The following GPR107 variants were observed in gnomAD, a reference collection of about 807,000 sequenced individuals.
GPR107 encodes the protein G protein-coupled receptor 107.
GPR107 carries 31 observed loss-of-function variants against 75.5 expected under a neutral mutation model. The ratio of observed to expected loss-of-function variants is 0.41; its 90% CI spans 0.31 to 0.55. GPR107 has a LOEUF of 0.55. GPR107 is among the 20% of genes least tolerant of loss of function. GPR107 has a pLI of 0.26. For synonymous variants in GPR107, 267 were observed against 251.3 expected (o/e 1.06, Z -0.59); for missense variants, 572 against 665.7 (o/e 0.86, Z 1.55).
chr9:130,139,083 C>G lies in GPR107; in HGVS notation c.*3962C>G, dbSNP rs1292628012. On this transcript the variant is annotated 3_prime_UTR_variant, in exon 18 of 18. Coordinates refer to ENST00000347136, the MANE Select transcript of GPR107 (RefSeq NM_020960.5). ...TGCTTCCACACTCCACACTTCACCC[C>G]GCTGCTTTTCTCTGACCCGCCCCTG... The G allele has an allele frequency of 2.6e-5, 4 of 152,270 alleles. No homozygotes were observed. Among genetic ancestry groups the G allele is most frequent in the Non-Finnish European group, 5.9e-5 (4 of 68,066 alleles). The allele number at this position is 152,270 out of a possible 1,614,324, so 9.4% of individuals were successfully genotyped here. A position where few individuals can be genotyped will look rare whatever the true frequency, so the allele number is the denominator to read the frequency against.
At chr9:130,132,406 T>C (rs1253470122) in intron 17 of GPR107, among the ~76,000 whole-genome samples, 1 of 152,214 alleles carries the variant, frequency 6.6e-6, no homozygotes, top group Non-Finnish European at 1.5e-5. Context: ...CCAGGCAGAC[T>C]GGGCCCTCGA....
chr9:130,089,153 G>A (rs767102338), intron 7 of GPR107, among the ~76,000 whole-genome samples: 4 of 151,810 alleles, frequency 2.6e-5, no homozygotes, highest in Admixed American at 6.6e-5. Context: ...TCGGGCGACA[G>A]TCTGAGACTC....
intron 10 of GPR107, among the ~76,000 whole-genome samples, chr9:130,100,051 C>G (rs10988592): frequency 0.23 from 35,373 of 151,516 alleles, 4,252 homozygotes; most frequent in Non-Finnish European, 0.28. Context: ...CCCGCCACCA[C>G]GCCCAGCTAA....
At chr9:130,089,375 C>T (rs960978633) in intron 7 of GPR107, among the ~76,000 whole-genome samples, 1 of 152,106 alleles carries the variant, frequency 6.6e-6, no homozygotes, top group African/African-American at 2.4e-5. Context: ...GGGTAGCTTG[C>T]GTTTCTCTGG....
At chr9:130,128,454 G>A (rs749117199) in intron 16 of GPR107, among the ~76,000 whole-genome samples, 186 bp from the exon 17 acceptor site, 26 of 152,186 alleles carry the variant, frequency 1.7e-4, no homozygotes, top group Non-Finnish European at 7.3e-5. Flanking sequence ...TCAGCCCTGG[G>A]CAGGACACTC....
intron 9 of GPR107, 82 bp downstream of exon 9, chr9:130,092,463 A>G (rs1830764647): frequency 8.9e-7 from 1 of 1,128,420 alleles, no homozygotes; most frequent in African/African-American, 1.5e-5. Context: ...ACCTGGAGGC[A>G]GTTGTCACTT....
rs1680490308 is a variant in GPR107, at chr9:130,112,828, C to T, written c.1306+5289C>T. On this transcript the variant is annotated intron_variant, in intron 14 of 17. Coordinates refer to ENST00000347136, the MANE Select transcript of GPR107 (RefSeq NM_020960.5). This position sits in a 1 kb window ranked among gnomAD's most constrained non-coding sequence, Gnocchi z 4.0. ...CCAGTGGTGTAATCTTGGCTTACTG[C>T]AGCCTCAACCTCCTGGGCCCAACCG... Among the ~76,000 whole-genome samples the T allele has an allele frequency of 6.6e-6, 1 of 152,050 alleles. No homozygotes were observed. Among genetic ancestry groups the T allele is most frequent in the Non-Finnish European group, 1.5e-5 (1 of 68,022 alleles).
chr9:130,055,536 A>AAAAAAAAG (rs1243534396), intron 1 of GPR107, among the ~76,000 whole-genome samples: 2 of 151,996 alleles, frequency 1.3e-5, no homozygotes, highest in Non-Finnish European at 1.5e-5. Flanking sequence ...TCAAAAAAAA[A>AAAAAAAAG]AAAAAAAAGA....
chr9:130,121,450 G>A (rs1348041156), intron 14 of GPR107, among the ~76,000 whole-genome samples: 3 of 152,168 alleles, frequency 2.0e-5, no homozygotes, highest in Admixed American at 6.5e-5. Flanking sequence ...TGCTTTAGAG[G>A]TTCCCTGGGA....
intron 16 of GPR107, 150 bp downstream of exon 16, chr9:130,127,716 T>C (rs1349473249): frequency 3.4e-6 from 2 of 592,078 alleles, no homozygotes; most frequent in Non-Finnish European, 3.0e-6. Flanking sequence ...TTTTTTTTAG[T>C]TTTTGAGACA....
chr9:130,073,981 T>A (rs1000285096), intron 1 of GPR107, among the ~76,000 whole-genome samples: 9 of 152,198 alleles, frequency 5.9e-5, no homozygotes, highest in African/African-American at 1.4e-4. Flanking sequence ...GGTCTCGAAC[T>A]CCTGACCCCA....
At chr9:130,128,977 T>C in intron 17 of GPR107, 1 of 473,128 alleles carries the variant, frequency 2.1e-6, no homozygotes, top group South Asian at 2.8e-5. Flanking sequence ...TCAGGGAAGA[T>C]GGAACTTGCC....
chr9:130,132,079 TTTGCCATG>T (rs1554899162), intron 17 of GPR107, among the ~76,000 whole-genome samples: 4 of 152,076 alleles, frequency 2.6e-5, no homozygotes, highest in Non-Finnish European at 5.9e-5. Flanking sequence ...GAGATAGGGT[TTTGCCATG>T]TTGCCCAGGC....
intron 14 of GPR107, among the ~76,000 whole-genome samples, chr9:130,119,133 G>A (rs928652745): frequency 3.3e-5 from 5 of 152,190 alleles, no homozygotes; most frequent in African/African-American, 7.2e-5. Context: ...GGAGGGAGTC[G>A]TGGGACCCCA....
Position 130,107,463 on chromosome 9 carries a change from C to T in GPR107, c.1263-33C>T, listed in dbSNP as rs745355737. ...ATAGAGAGGAGTGCAGATTTGTCAG[C>T]TAACTTTTTGTTCTCTAAATGTTTA... On this transcript the variant is annotated intron_variant, in intron 13 of 17. Coordinates refer to ENST00000347136, the MANE Select transcript of GPR107 (RefSeq NM_020960.5). 4 of 1,376,804 alleles carry T rather than the reference C, an allele frequency of 2.9e-6. No homozygotes were observed. In the East Asian group the frequency reaches 9.1e-5, roughly 31 times the overall value. The allele number at this position is 1,376,804 out of a possible 1,614,324, so 85.3% of individuals were successfully genotyped here.
At chr9:130,087,265 T>G (rs1209638133) in intron 7 of GPR107, among the ~76,000 whole-genome samples, 1 of 152,068 alleles carries the variant, frequency 6.6e-6, no homozygotes, top group Admixed American at 6.5e-5. Flanking sequence ...CTTGAACTCC[T>G]GGGATCAAGC....
chr9:130,132,618 C>A (rs1831853810), intron 17 of GPR107, among the ~76,000 whole-genome samples: 1 of 152,106 alleles, frequency 6.6e-6, no homozygotes, highest in Non-Finnish European at 1.5e-5. Flanking sequence ...GAAACCACAT[C>A]TCTACCAAAA....
intron 9 of GPR107, among the ~76,000 whole-genome samples, chr9:130,096,533 A>G (rs1333035199): frequency 6.7e-6 from 1 of 148,150 alleles, no homozygotes; most frequent in African/African-American, 2.5e-5. Context: ...CAGTGGTGCA[A>G]TCTCAGCTCA....
Position 130,099,541 on chromosome 9 carries a change from T to G in GPR107, c.939+9T>G, listed in dbSNP as rs754621404. The G allele has an allele frequency of 1.4e-5, 22 of 1,528,918 alleles. No individual in the cohort carries two copies. In the South Asian group the frequency reaches 2.5e-4, roughly 17 times the overall value. The allele number at this position is 1,528,918 out of a possible 1,614,324, so 94.7% of individuals were successfully genotyped here. The stretch of plus-strand genomic sequence containing the variant: ...CCTTGGTGTTCCATGCAGTATGTAT[T>G]AGCATTTTGAGGATCATTCATGAAA... On this transcript the variant is annotated intron_variant, in intron 10 of 17. Transcript: ENST00000347136.
Sources: allele counts gnomAD v4.1 joint callset (sites outside exome capture counted in the v4.1 genomes callset), GRCh38; gene constraint gnomAD v4.1.1; non-coding constraint Gnocchi (gnomAD v3.1); transcripts MANE v1.5; gene names NCBI Gene and HGNC (gene_info 2026-07-23, HGNC 2026-07-21).